The following KPNA1 variants were observed in gnomAD, a reference collection of about 807,000 sequenced individuals.
KPNA1 encodes the protein karyopherin subunit alpha 1, also known as importin subunit alpha-5.
In KPNA1, 10 loss-of-function variants were observed where a neutral mutation model predicts 70.5. The ratio of observed to expected loss-of-function variants is 0.14; its 90% CI spans 0.09 to 0.24. KPNA1 has a LOEUF of 0.24. Ranked by LOEUF, KPNA1 falls within the 10% of genes least tolerant of loss-of-function variation. The pLI is 1.00. For synonymous variants in KPNA1, 192 were observed against 221.9 expected (o/e 0.87, Z 1.20); for missense variants, 397 against 637.9 (o/e 0.62, Z 4.07).
At chr3:122,451,912 G>A (rs920410453) in intron 7 of KPNA1, 64 bp downstream of exon 7, 2 of 984,108 alleles carry the variant, frequency 2.0e-6, no homozygotes, top group Non-Finnish European at 3.2e-6. Flanking sequence ...AATGCTTTCT[G>A]AGGAATCTCT....
At chr3:122,485,869 A>C (rs2076623877) in intron 2 of KPNA1, among the ~76,000 whole-genome samples, 1 of 152,192 alleles carries the variant, frequency 6.6e-6, no homozygotes, top group South Asian at 2.1e-4. Flanking sequence ...AACTTTTTTA[A>C]AAAAGAAAAG....
intron 9 of KPNA1, chr3:122,442,821 T>C (rs1159963990): frequency 6.6e-6 from 1 of 152,164 alleles, no homozygotes; most frequent in African/African-American, 2.4e-5. Context: ...TAAAAAGAAA[T>C]GGCTGGGTTC....
At chr3:122,475,121 A>T (rs1442632278) in intron 2 of KPNA1, among the ~76,000 whole-genome samples, 2 of 152,234 alleles carry the variant, frequency 1.3e-5, no homozygotes, top group East Asian at 3.8e-4. Context: ...AGACTCCGCC[A>T]ATAAACTGTT....
At chr3:122,456,449 A>AATTTCTTATT (rs2076265845) in intron 5 of KPNA1, among the ~76,000 whole-genome samples, 1 of 152,238 alleles carries the variant, frequency 6.6e-6, no homozygotes. Flanking sequence ...AAGAAATTAT[A>AATTTCTTATT]ATAATAACCT....
intron 4 of KPNA1, among the ~76,000 whole-genome samples, chr3:122,461,705 T>C (rs2076325862): frequency 6.6e-6 from 1 of 152,202 alleles, no homozygotes; most frequent in Non-Finnish European, 1.5e-5. Flanking sequence ...CTGTTGTAAA[T>C]CATCTTAAGG....
intron 12 of KPNA1, among the ~76,000 whole-genome samples, chr3:122,430,559 C>CTGTGTGTGTG (rs113921259): frequency 4.6e-4 from 67 of 145,116 alleles, no homozygotes; most frequent in South Asian, 8.9e-4. Flanking sequence ...CTCAAATAAA[C>CTGTGTGTGTG]TGTGTGTGTG....
At position 122,437,260 on chromosome 3, in the gene KPNA1, C is replaced by A; in HGVS notation, c.1032G>T (p.Leu344Phe). ...ILNCSALQSL[L>F]HLLSSPKESI... is the part of the protein sequence containing the mutation. Reference sequence around the variant, plus strand: ...ATTCCTTTGGGCTACTCAGCAAATGCAATAAACTCTGCAGAGCTGAGCAAT... The same window carrying A: ...ATTCCTTTGGGCTACTCAGCAAATGAAATAAACTCTGCAGAGCTGAGCAAT... The change falls in exon 11 of 14, where the codon TTG becomes TTT. Residue 344 changes from leucine (L) to phenylalanine (F), a missense_variant. Leu to Phe is a conservative substitution (Grantham distance 22). Transcript: ENST00000344337. 1 of 1,613,534 alleles carries A rather than the reference C, an allele frequency of 6.2e-7. No individual in the cohort carries two copies. Among genetic ancestry groups the A allele is most frequent in the Non-Finnish European group, 8.5e-7 (1 of 1,179,646 alleles).
intron 10 of KPNA1, 117 bp downstream of exon 10, chr3:122,441,921 G>T: frequency 2.4e-6 from 2 of 847,766 alleles, no homozygotes; most frequent in Non-Finnish European, 3.9e-6. Context: ...AAACATTAGT[G>T]TAACAGAGTA....
Position 122,467,432 on chromosome 3 carries a change from G to A in KPNA1, c.130-3C>T. The A allele has an allele frequency of 6.3e-7, 1 of 1,579,940 alleles. No homozygotes were observed. On this transcript the variant is annotated splice_region_variant and splice_polypyrimidine_tract_variant and intron_variant, in intron 2 of 13. Transcript: ENST00000344337. Reference sequence around the variant, plus strand: ...GCAACATTTCTCCGCTTGAATAACTGAAAGATAAAAGATTGGTAGCAATGT... The same window carrying A: ...GCAACATTTCTCCGCTTGAATAACTAAAAGATAAAAGATTGGTAGCAATGT...
intron 9 of KPNA1, among the ~76,000 whole-genome samples, chr3:122,444,920 G>A (rs1488215834): frequency 6.6e-6 from 1 of 152,094 alleles, no homozygotes; most frequent in African/African-American, 2.4e-5. Context: ...GAAGACCAAA[G>A]GTAGATAAAA....
chr3:122,498,958 AAATT>A (rs1245094787), intron 1 of KPNA1, among the ~76,000 whole-genome samples: 6 of 152,230 alleles, frequency 3.9e-5, no homozygotes, highest in Non-Finnish European at 8.8e-5. Flanking sequence ...TACTTTTGTT[AAATT>A]CATTCCTAAG....
chr3:122,427,821 AAAAC>A (rs2075842262), intron 12 of KPNA1, 105 bp from the exon 13 acceptor site: 2 of 670,704 alleles, frequency 3.0e-6, no homozygotes, highest in South Asian at 3.6e-5. Flanking sequence ...CTTAAAAAAA[AAAAC>A]AAAAAACAAG....
At chr3:122,509,540 T>C (rs1327038889) in intron 1 of KPNA1, among the ~76,000 whole-genome samples, 1 of 152,152 alleles carries the variant, frequency 6.6e-6, no homozygotes, top group Non-Finnish European at 1.5e-5. Flanking sequence ...GACACAACTA[T>C]ACATACTTAC....
intron 13 of KPNA1, 129 bp downstream of exon 13, chr3:122,427,409 C>A: frequency 1.2e-5 from 11 of 936,272 alleles, no homozygotes; most frequent in Non-Finnish European, 1.7e-5. Flanking sequence ...ATCCAGTCTG[C>A]AGAAGCAGCA....
chr3:122,458,554 T>A (rs147353536), intron 5 of KPNA1, among the ~76,000 whole-genome samples: 1 of 152,210 alleles, frequency 6.6e-6, no homozygotes, highest in East Asian at 1.9e-4. Flanking sequence ...ACAAGATTTA[T>A]TAGTGAGCTG....
intron 9 of KPNA1, among the ~76,000 whole-genome samples, chr3:122,445,309 C>T (rs12636106): frequency 0.15 from 23,530 of 152,050 alleles, 1,900 homozygotes; most frequent in East Asian, 0.32. Context: ...ATATCAGTGA[C>T]TGAAGATCAA....
chr3:122,504,911 CTTTTT>C (rs372328991), intron 1 of KPNA1, among the ~76,000 whole-genome samples: 166 of 141,806 alleles, frequency 1.2e-3, no homozygotes, highest in African/African-American at 4.5e-3. Context: ...GGGAGAGACT[CTTTTT>C]TTTTTTAAAC....
intron 3 of KPNA1, among the ~76,000 whole-genome samples, chr3:122,466,248 A>G (rs894206100): frequency 6.6e-6 from 1 of 151,602 alleles, no homozygotes; most frequent in African/African-American, 2.4e-5. Flanking sequence ...CCATTTACCA[A>G]AAAAAAAGGT....
intron 1 of KPNA1, among the ~76,000 whole-genome samples, chr3:122,506,361 A>G (rs995385586): frequency 9.9e-5 from 15 of 152,254 alleles, no homozygotes; most frequent in African/African-American, 2.9e-4. Context: ...ATGAATTTAA[A>G]TAAGTGGAGT....
Sources: allele counts gnomAD v4.1 joint callset (sites outside exome capture counted in the v4.1 genomes callset), GRCh38; gene constraint gnomAD v4.1.1; transcripts MANE v1.5; gene names NCBI Gene and HGNC (gene_info 2026-07-23, HGNC 2026-07-21).